SCN1A: variants seen among roughly 807,000 people sequenced by gnomAD.
The protein encoded by SCN1A is sodium channel protein type 1 subunit alpha.
SCN1A carries 13 observed loss-of-function variants against 193.7 expected under a neutral mutation model. The ratio of observed to expected loss-of-function variants is 0.07; its 90% confidence interval spans 0.04 to 0.11. The LOEUF is 0.11. Among genes scored for constraint, SCN1A ranks in the 10% least tolerant of loss-of-function variants. SCN1A has a pLI of 1.00. For missense variants in SCN1A, 1,432 were observed against 2,451.1 expected, an observed-to-expected ratio of 0.58 and a Z score of 8.78; for synonymous variants, 781 against 843.6, an observed-to-expected ratio of 0.93 and a Z score of 1.29.
chr2:166,132,899 C>G (rs567311486), upstream of SCN1A, among the ~76,000 whole-genome samples: 4 of 152,152 alleles, frequency 2.6e-5, no homozygotes, highest in South Asian at 8.3e-4. Flanking sequence ...CACAGATAAC[C>G]AGTTTTTAAA....
At chr2:166,108,381 A>G (rs980178351) in intron 2 of SCN1A, among the ~76,000 whole-genome samples, 5 of 152,132 alleles carry the variant, frequency 3.3e-5, no homozygotes, top group African/African-American at 1.2e-4. Context: ...TGGTACAGCC[A>G]TTTGGAAATA....
chr2:166,045,403 C>T (rs1290426740), intron 12 of SCN1A, 76 bp from the exon 13 acceptor site: 1 of 1,492,326 alleles, frequency 6.7e-7, no homozygotes, highest in Non-Finnish European at 9.3e-7. Context: ...GAAGTATTTG[C>T]ATGGCTTTTA....
chr2:166,112,104 T>G (rs1194507206), intron 2 of SCN1A, among the ~76,000 whole-genome samples: 1 of 152,212 alleles, frequency 6.6e-6, no homozygotes, highest in African/African-American at 2.4e-5. Context: ...ACTCCAATTT[T>G]GAAACAAGTT....
At chr2:166,053,419 A>G (rs561961596) in intron 7 of SCN1A, among the ~76,000 whole-genome samples, 1 of 152,156 alleles carries the variant, frequency 6.6e-6, no homozygotes, top group Admixed American at 6.6e-5. Context: ...TTTTAGTTAG[A>G]AAAAAATATA....
At position 166,038,039 on chromosome 2, in the gene SCN1A, G is replaced by A; in HGVS notation, c.2683C>T (p.Leu895Phe). The change falls in exon 18 of 29, where the codon CTC (leucine) becomes TTC (phenylalanine). Residue 895 changes from leucine to phenylalanine, a missense_variant. By Grantham distance (22) the Leu-to-Phe change is conservative. Transcript: ENST00000674923. ...ATGAAGACGATGATGGCCAAGACGAGGGTTAAATTTCCCAGAGCCCCCACG... is the reference window on the plus strand; with the variant it reads ...ATGAAGACGATGATGGCCAAGACGAAGGTTAAATTTCCCAGAGCCCCCACG... ...NSVGALGNLTLVLAIIVFIFA... is the reference protein window; with the variant it reads ...NSVGALGNLTFVLAIIVFIFA... 1.2e-6 allele frequency: 2 copies of A among 1,614,186 alleles called. No homozygotes were observed. The highest frequency in any genetic ancestry group is 2.2e-5 in the East Asian group (1 of 44,878).
At chr2:166,012,743 G>T (rs943465430) in intron 21 of SCN1A, among the ~76,000 whole-genome samples, 1 of 148,594 alleles carries the variant, frequency 6.7e-6, no homozygotes, top group Non-Finnish European at 1.5e-5. Flanking sequence ...GGGTTCATCT[G>T]CTTCTTTTTT....
At chr2:166,069,017 G>T (rs962977984) in intron 4 of SCN1A, among the ~76,000 whole-genome samples, 2 of 152,046 alleles carry the variant, frequency 1.3e-5, no homozygotes, top group African/African-American at 4.8e-5. Context: ...TTGAATGTAG[G>T]GCCAAATGGT....
Position 166,036,251 on chromosome 2 carries a change from G to A in SCN1A, c.3226C>T (p.Leu1076Phe), listed in dbSNP as rs779761255. The A allele has an allele frequency of 1.9e-6, 3 of 1,613,818 alleles. No homozygotes were observed. The highest frequency in any genetic ancestry group is 2.5e-6 in the Non-Finnish European group (3 of 1,179,818). Residue 1076 changes from leucine (L) to phenylalanine (F), a missense_variant, in exon 19 of 29, where the codon CTT becomes TTT. Physicochemically the swap from Leu to Phe is conservative, Grantham distance 22. This residue lies in a region of SCN1A where 198 missense variants were observed against 225.8 expected (regional missense o/e 0.88). Transcript: ENST00000674923. ...CTTGTAGTTCCATTTACATCTTTAA[G>A]ATAGTCAAGATCTTTCCCAATTTCT... is the stretch of plus-strand genomic sequence containing the variant. ...TAEIGKDLDY[L>F]KDVNGTTSGI...
In SCN1A at chr2:166,069,856, G is replaced by A. The variant is rs535876562; in HGVS notation, c.264+3502C>T. On this transcript the variant is annotated intron_variant, in intron 4 of 28. Transcript: ENST00000674923. ...AGTATCAGCATTAGTGGAAAATCTC[G>A]TCCTAATAAACATTTTCCCTGGTGA... Among the ~76,000 whole-genome samples the A allele has an allele frequency of 5.9e-5, 9 of 152,190 alleles. No homozygotes were observed. In the South Asian group the frequency reaches 1.0e-3, roughly 18 times the overall value.
chr2:166,049,857 C>G (rs972849726), intron 9 of SCN1A, among the ~76,000 whole-genome samples: 1 of 151,588 alleles, frequency 6.6e-6, no homozygotes, highest in Non-Finnish European at 1.5e-5. Flanking sequence ...TGTTTGAGAC[C>G]GGGTAGCCTT....
chr2:166,066,110 C>A (rs1006363666), intron 4 of SCN1A, among the ~76,000 whole-genome samples: 1 of 152,216 alleles, frequency 6.6e-6, no homozygotes, highest in Non-Finnish European at 1.5e-5. Context: ...GATAACTCTG[C>A]AGAAGGTGCC....
At chr2:166,095,962 A>C (rs1169482661) in intron 2 of SCN1A, among the ~76,000 whole-genome samples, 2 of 152,204 alleles carry the variant, frequency 1.3e-5, no homozygotes, top group Non-Finnish European at 2.9e-5. Flanking sequence ...CCTAAAAGCA[A>C]TATGATACAG....
At chr2:166,046,144 C>T (rs181546105) in intron 12 of SCN1A, among the ~76,000 whole-genome samples, 1 of 152,192 alleles carries the variant, frequency 6.6e-6, no homozygotes, top group Admixed American at 6.5e-5. Context: ...AGTTTGTATG[C>T]TAAACAGAAA....
rs1419021652 is a variant in SCN1A, at chr2:166,048,846, C to T, written c.1028+40G>A. On this transcript the variant is annotated intron_variant, in intron 10 of 28. Transcript: ENST00000674923. ...GAAAAGATACACATATGTATGTGTA[C>T]ATACAAATATACACAGATACACACA... 6 of 1,238,718 alleles carry T rather than the reference C, an allele frequency of 4.8e-6. No homozygotes were observed. The East Asian group carries it at 1.2e-4, about 24-fold the overall frequency. 76.7% of individuals were successfully genotyped at this position (1,238,718 alleles called of 1,614,324 possible).
In SCN1A at chr2:165,991,567, T is replaced by C. The variant is rs764501421; in HGVS notation, c.5708A>G (p.Tyr1903Cys). The change falls in exon 29 of 29, where the codon TAT (tyrosine) becomes TGT (cysteine). Residue 1903 changes from tyrosine to cysteine, a missense_variant. Tyr to Cys is a radical substitution (Grantham distance 194). This residue lies in a region of SCN1A where 148 missense variants were observed against 160.3 expected (regional missense o/e 0.92). Coordinates refer to ENST00000674923, the MANE Select transcript of SCN1A (RefSeq NM_001165963.4). ...TTTTAAAGTAGTAGTGATTGGCTGATAGGAGACCTTGGAAGGATTGGAAGC... is the reference window on the plus strand; with the variant it reads ...TTTTAAAGTAGTAGTGATTGGCTGACAGGAGACCTTGGAAGGATTGGAAGC... ...FMASNPSKVS[Y>C]QPITTTLKRK... 4 of 1,613,840 alleles carry C rather than the reference T, an allele frequency of 2.5e-6. No homozygotes were observed. The highest frequency in any genetic ancestry group is 2.2e-5 in the East Asian group (1 of 44,862).
At chr2:166,076,044 T>C (rs1684955610) in intron 3 of SCN1A, among the ~76,000 whole-genome samples, 2 of 151,972 alleles carry the variant, frequency 1.3e-5, no homozygotes, top group Non-Finnish European at 2.9e-5. Context: ...AGACAAAATA[T>C]TAGCCACTTG....
intron 21 of SCN1A, 43 bp from the exon 22 acceptor site, chr2:166,012,325 TA>T: frequency 6.9e-7 from 1 of 1,454,622 alleles, no homozygotes; most frequent in Non-Finnish European, 9.5e-7. Flanking sequence ...CAAAAATAAT[TA>T]TACTCCATAA....
At chr2:166,022,927 C>T (rs1694252741) in intron 19 of SCN1A, among the ~76,000 whole-genome samples, 1 of 152,000 alleles carries the variant, frequency 6.6e-6, no homozygotes, top group African/African-American at 2.4e-5. Context: ...TGGAATTGAA[C>T]ATGACCTCAG....
chr2:166,094,248 T>G (rs1559321392), intron 2 of SCN1A, among the ~76,000 whole-genome samples: 1 of 152,206 alleles, frequency 6.6e-6, no homozygotes, highest in Non-Finnish European at 1.5e-5. Flanking sequence ...TTTTGAGAAT[T>G]GTATACTGAT....
Sources: allele counts gnomAD v4.1 joint callset (sites outside exome capture counted in the v4.1 genomes callset), GRCh38; gene constraint gnomAD v4.1.1; regional missense constraint gnomAD v4.1.1; transcripts MANE v1.5; gene names NCBI Gene and HGNC (gene_info 2026-07-23, HGNC 2026-07-21).